OPCML: variants seen among roughly 807,000 people sequenced by gnomAD.
OPCML encodes opioid binding protein/cell adhesion molecule like, also known as opioid-binding protein/cell adhesion molecule.
Under a neutral mutation model 37.8 loss-of-function variants are expected in OPCML, and 13 were observed. The observed-to-expected ratio is 0.34, with a 90% CI of 0.22 to 0.55. The LOEUF (loss-of-function observed/expected upper bound fraction) is 0.55, where lower values mean the gene tolerates loss of function less well. Ranked by LOEUF, OPCML falls within the 20% of genes least tolerant of loss-of-function variation. The pLI, the probability that OPCML is intolerant of heterozygous loss-of-function variation, is 0.91. For synonymous variants in OPCML, 176 were observed against 168.8 expected (o/e 1.04, Z -0.33); for missense variants, 341 against 435.6 (o/e 0.78, Z 1.93).
chr11:133,519,077 C>G (rs564351885), intron 1 of OPCML, among the ~76,000 whole-genome samples: 31 of 152,098 alleles, frequency 2.0e-4, no homozygotes, highest in Non-Finnish European at 3.7e-4. Context: ...TGTGAGCTCC[C>G]GTTGCGGGGT....
At chr11:133,091,438 C>T (rs1448898521) in intron 1 of OPCML, among the ~76,000 whole-genome samples, 1 of 152,164 alleles carries the variant, frequency 6.6e-6, no homozygotes, top group Non-Finnish European at 1.5e-5. Context: ...GTCACAGTCA[C>T]GCACCTCTTC....
chr11:132,764,055 G>C (rs1555185738), intron 2 of OPCML, among the ~76,000 whole-genome samples: 3 of 152,228 alleles, frequency 2.0e-5, no homozygotes, highest in Non-Finnish European at 2.9e-5. Context: ...TGAGTATGTT[G>C]AGATGTTCTT....
intron 1 of OPCML, among the ~76,000 whole-genome samples, chr11:133,453,694 A>T (rs1291349879): frequency 3.3e-5 from 5 of 152,092 alleles, no homozygotes; most frequent in Non-Finnish European, 7.3e-5. Flanking sequence ...CCAGGGTTCC[A>T]CTCACCAACC....
chr11:133,133,883 A>C (rs1949642541), intron 1 of OPCML, among the ~76,000 whole-genome samples: 1 of 152,200 alleles, frequency 6.6e-6, no homozygotes, highest in Non-Finnish European at 1.5e-5. Flanking sequence ...GACTTTACAC[A>C]TCAATAAGAC....
At chr11:132,895,330 A>G (rs1943797932) in intron 2 of OPCML, among the ~76,000 whole-genome samples, 1 of 152,264 alleles carries the variant, frequency 6.6e-6, no homozygotes, top group Non-Finnish European at 1.5e-5. Flanking sequence ...GTCAGTGGAC[A>G]AAGGGATGAA....
intron 1 of OPCML, among the ~76,000 whole-genome samples, chr11:133,124,442 C>T (rs962558802): frequency 3.3e-5 from 5 of 152,208 alleles, no homozygotes; most frequent in Admixed American, 1.3e-4. Flanking sequence ...TTCAGTGGCC[C>T]CTCCCCAGAG....
intron 2 of OPCML, among the ~76,000 whole-genome samples, chr11:132,866,530 G>A (rs1942563963): frequency 1.3e-5 from 2 of 152,176 alleles, no homozygotes; most frequent in African/African-American, 2.4e-5. Flanking sequence ...TGTACCAAGA[G>A]AAGGGAATCA....
At chr11:133,197,340 A>C (rs1462831668) in intron 1 of OPCML, among the ~76,000 whole-genome samples, 1 of 152,202 alleles carries the variant, frequency 6.6e-6, no homozygotes, top group Non-Finnish European at 1.5e-5. Flanking sequence ...AGAAAGGATC[A>C]ATTCTTTGGT....
intron 1 of OPCML, among the ~76,000 whole-genome samples, chr11:133,396,156 C>CTT (rs138332871): frequency 1.3e-5 from 2 of 149,860 alleles, no homozygotes; most frequent in African/African-American, 4.9e-5. Context: ...AATAGGATTA[C>CTT]TTTTTTTTTT....
At chr11:132,612,702 C>A (rs181277638) in intron 3 of OPCML, among the ~76,000 whole-genome samples, 1 of 152,160 alleles carries the variant, frequency 6.6e-6, no homozygotes, top group Non-Finnish European at 1.5e-5. Context: ...AAATGATCCC[C>A]TATAGGGTTG....
At chr11:132,558,251 C>T (rs1355903370) in intron 3 of OPCML, among the ~76,000 whole-genome samples, 2 of 150,024 alleles carry the variant, frequency 1.3e-5, no homozygotes, top group South Asian at 4.3e-4. Flanking sequence ...TCTTCTTCTT[C>T]TTCCTCTTCC....
intron 1 of OPCML, among the ~76,000 whole-genome samples, chr11:133,193,843 A>G (rs1411042512): frequency 1.3e-5 from 2 of 152,224 alleles, no homozygotes; most frequent in African/African-American, 4.8e-5. Context: ...TTATGATTCA[A>G]AGAAAATGTA....
chr11:132,473,205 A>C (rs2096143643), intron 4 of OPCML, among the ~76,000 whole-genome samples: 1 of 152,240 alleles, frequency 6.6e-6, no homozygotes, highest in African/African-American at 2.4e-5. Flanking sequence ...TTCCCAGCCA[A>C]TGTGCAGCTT....
intron 1 of OPCML, among the ~76,000 whole-genome samples, chr11:133,501,267 T>A (rs1030962340): frequency 6.6e-6 from 1 of 152,072 alleles, no homozygotes; most frequent in African/African-American, 2.4e-5. Flanking sequence ...ACGTTCCCCT[T>A]CATTGGAGAC....
chr11:133,249,497 A>G (rs1941057340), intron 1 of OPCML, among the ~76,000 whole-genome samples: 1 of 152,194 alleles, frequency 6.6e-6, no homozygotes, highest in East Asian at 1.9e-4. Flanking sequence ...TGGAGGGGAC[A>G]AATATCTGAA....
chr11:132,585,106 C>G (rs1275468749), intron 3 of OPCML, among the ~76,000 whole-genome samples: 1 of 152,070 alleles, frequency 6.6e-6, no homozygotes, highest in Non-Finnish European at 1.5e-5. Flanking sequence ...AAGGAGGCAG[C>G]TTTGGGTTAA....
At chr11:133,232,644 C>T (rs1033347584) in intron 1 of OPCML, among the ~76,000 whole-genome samples, 3 of 152,156 alleles carry the variant, frequency 2.0e-5, no homozygotes, top group African/African-American at 7.2e-5. Context: ...CACACATGCA[C>T]ACCCACACAG....
At chr11:133,416,054 C>A (rs894726831) in intron 1 of OPCML, among the ~76,000 whole-genome samples, 1 of 152,318 alleles carries the variant, frequency 6.6e-6, no homozygotes. Context: ...CAGACCCATA[C>A]GAGACTTCTG....
chr11:133,037,972 T>G (rs928660892), intron 1 of OPCML, among the ~76,000 whole-genome samples: 1 of 152,244 alleles, frequency 6.6e-6, no homozygotes, highest in Non-Finnish European at 1.5e-5. Context: ...GCTGGTCTCC[T>G]AAGCATCAAA....
Sources: allele counts gnomAD v4.1 joint callset (sites outside exome capture counted in the v4.1 genomes callset), GRCh38; gene constraint gnomAD v4.1.1; transcripts MANE v1.5; gene names NCBI Gene and HGNC (gene_info 2026-07-23, HGNC 2026-07-21).